The following SKAP2 variants were observed in gnomAD, a reference collection of about 807,000 sequenced individuals.
SKAP2 encodes src kinase associated phosphoprotein 2, also known as src kinase-associated phosphoprotein 2.
In SKAP2, 28 loss-of-function variants were observed where a neutral mutation model predicts 54.9. The observed-to-expected ratio is 0.51, with a 90% CI of 0.38 to 0.70. The LOEUF (loss-of-function observed/expected upper bound fraction) is 0.70. Among genes scored for constraint, SKAP2 ranks in the 30% least tolerant of loss-of-function variants. The pLI is 0.00. For synonymous variants in SKAP2, 137 were observed against 134.3 expected, an observed-to-expected ratio of 1.02 and a Z score of -0.14; for missense variants, 356 against 424.1, an observed-to-expected ratio of 0.84 and a Z score of 1.41.
the SKAP2 span, among the ~76,000 whole-genome samples, chr7:26,655,786 T>C: frequency 4.6e-5 from 7 of 152,230 alleles, no homozygotes; most frequent in Admixed American, 3.3e-4. Context: ...CAAAGATTTA[T>C]TTCATGACTG....
intron 1 of SKAP2, among the ~76,000 whole-genome samples, chr7:26,855,938 G>A (rs558586588): frequency 1.3e-5 from 2 of 152,014 alleles, no homozygotes; most frequent in Non-Finnish European, 2.9e-5. Context: ...TAACTACTTT[G>A]TATAGCATCA....
At chr7:26,723,695 C>T (rs1285217854) in intron 9 of SKAP2, among the ~76,000 whole-genome samples, 1 of 150,280 alleles carries the variant, frequency 6.7e-6, no homozygotes, top group East Asian at 1.9e-4. Flanking sequence ...GTCTTTATTC[C>T]TGATCAATTT....
intron 3 of SKAP2, among the ~76,000 whole-genome samples, chr7:26,847,328 G>T (rs926812407): frequency 1.3e-5 from 2 of 151,812 alleles, no homozygotes; most frequent in African/African-American, 4.8e-5. Context: ...TCCAGTGATG[G>T]TCCATCCCTT....
At chr7:26,731,251 C>G (rs1443051250) in intron 6 of SKAP2, among the ~76,000 whole-genome samples, 2 of 152,160 alleles carry the variant, frequency 1.3e-5, no homozygotes, top group Non-Finnish European at 2.9e-5. Flanking sequence ...GTCTAGGAAA[C>G]CAAATTTTTA....
chr7:26,812,717 G>T (rs893012933), intron 4 of SKAP2, among the ~76,000 whole-genome samples: 1 of 151,830 alleles, frequency 6.6e-6, no homozygotes, highest in Non-Finnish European at 1.5e-5. Flanking sequence ...CAAAAATAAT[G>T]CAAGAATAAA....
intron 4 of SKAP2, among the ~76,000 whole-genome samples, chr7:26,825,362 G>A (rs910609124): frequency 2.6e-5 from 4 of 151,544 alleles, no homozygotes; most frequent in African/African-American, 2.4e-5. Context: ...CTAAAGAATA[G>A]AAATTAGGAA....
intron 9 of SKAP2, among the ~76,000 whole-genome samples, chr7:26,715,582 G>A (rs761476353): frequency 2.8e-4 from 42 of 152,126 alleles, no homozygotes; most frequent in Non-Finnish European, 5.9e-4. Context: ...TTCAAGACCA[G>A]CCTGGCTAAC....
intron 11 of SKAP2, among the ~76,000 whole-genome samples, chr7:26,671,956 A>G (rs1378628636): frequency 6.6e-6 from 1 of 152,078 alleles, no homozygotes; most frequent in Non-Finnish European, 1.5e-5. Context: ...TTAACGTTCC[A>G]CAGACTACTG....
At chr7:26,856,264 T>C (rs1785160009) in intron 1 of SKAP2, among the ~76,000 whole-genome samples, 1 of 152,156 alleles carries the variant, frequency 6.6e-6, no homozygotes, top group Admixed American at 6.5e-5. Context: ...CAAAATGAAA[T>C]GAAAGCAAAT....
At chr7:26,687,166 C>T (rs557682010) in intron 10 of SKAP2, among the ~76,000 whole-genome samples, 4 of 149,874 alleles carry the variant, frequency 2.7e-5, no homozygotes, top group African/African-American at 7.3e-5. Flanking sequence ...CCCCTCGATA[C>T]GCTTGCTGAA....
At chr7:26,677,394 T>TAAAAAAAAAAAAAAAAAA (rs1322136047) in intron 11 of SKAP2, among the ~76,000 whole-genome samples, 4 of 72,954 alleles carry the variant, frequency 5.5e-5, no homozygotes, top group African/African-American at 2.2e-4. Flanking sequence ...TCTGTCTCAA[T>TAAAAAAAAAAAAAAAAAA]AAAAAAAAAA....
At chr7:26,835,020 A>G (rs10275591) in intron 4 of SKAP2, among the ~76,000 whole-genome samples, 32,358 of 152,158 alleles carry the variant, frequency 0.21, 3,530 homozygotes, top group Non-Finnish European at 0.24. Flanking sequence ...CTTCGTCCCT[A>G]GGATGCAAGG....
chr7:26,787,941 C>T (rs1783592481), intron 4 of SKAP2, among the ~76,000 whole-genome samples: 2 of 152,134 alleles, frequency 1.3e-5, no homozygotes, highest in South Asian at 4.1e-4. Context: ...CTGCCACCTC[C>T]ACCTCCCAAC....
Position 26,857,421 on chromosome 7 carries a change from C to G in SKAP2, c.68-2531G>C, listed in dbSNP as rs1011828107. On this transcript the variant is annotated intron_variant, in intron 1 of 12. Transcript: ENST00000345317. Reference sequence around the variant, plus strand: ...TGGTTGGTTTTTAAGCTTTTGAAATCTAGGTTATTTCTTAAAATCTACACT... The same window carrying G: ...TGGTTGGTTTTTAAGCTTTTGAAATGTAGGTTATTTCTTAAAATCTACACT... 2.1e-5 allele frequency: 21 copies of G among 979,414 alleles called. No individual in the cohort carries two copies. In the African/African-American group the frequency reaches 3.1e-4, roughly 14 times the overall value. 60.7% of individuals were successfully genotyped at this position (979,414 alleles called of 1,614,324 possible).
At chr7:26,857,286 GGAGA>G (rs892199126) in intron 1 of SKAP2, among the ~76,000 whole-genome samples, 1 of 122,214 alleles carries the variant, frequency 8.2e-6, no homozygotes. Flanking sequence ...AAGGTGATGT[GGAGA>G]GAGTAGAAAC....
chr7:26,813,851 T>G (rs3801831), intron 4 of SKAP2, among the ~76,000 whole-genome samples: 1 of 152,096 alleles, frequency 6.6e-6, no homozygotes, highest in Non-Finnish European at 1.5e-5. Context: ...TTTCTTTCTA[T>G]GTAATTTGCC....
chr7:26,795,018 A>G (rs1336547900), intron 4 of SKAP2, among the ~76,000 whole-genome samples: 1 of 152,216 alleles, frequency 6.6e-6, no homozygotes, highest in Non-Finnish European at 1.5e-5. Flanking sequence ...GGTTTGGCAC[A>G]ACACAGACAA....
chr7:26,660,530 G>A, the SKAP2 span, among the ~76,000 whole-genome samples: 1 of 151,934 alleles, frequency 6.6e-6, no homozygotes, highest in African/African-American at 2.4e-5. Context: ...ATAGCTTTAG[G>A]AGAAGCAAAG....
intron 6 of SKAP2, among the ~76,000 whole-genome samples, chr7:26,731,745 C>G (rs553864590): frequency 6.6e-6 from 1 of 152,076 alleles, no homozygotes; most frequent in Non-Finnish European, 1.5e-5. Context: ...CAATAAATGG[C>G]ACCTCCATTA....
Sources: gnomAD v4.1 joint callset for allele counts (sites outside exome capture counted in the v4.1 genomes callset) on GRCh38, gnomAD v4.1.1 for gene constraint, MANE v1.5 for transcripts, NCBI Gene and HGNC (gene_info 2026-07-23, HGNC 2026-07-21) for gene names.